MIPOL1: variants seen among roughly 807,000 people sequenced by gnomAD.
MIPOL1 encodes mirror-image polydactyly gene 1 protein.
A neutral mutation model predicts 60.9 loss-of-function variants in MIPOL1; 57 were observed. That is an observed-to-expected ratio of 0.94 (90% CI 0.76 to 1.17). The LOEUF is 1.17. MIPOL1 is among the 50% of genes most tolerant of loss of function. The probability of loss-of-function intolerance (pLI) is 0.00; values close to 1 mark genes in which losing one functional copy is unlikely to be tolerated. For synonymous variants in MIPOL1, 179 were observed against 168.8 expected, an observed-to-expected ratio of 1.06 and a Z score of -0.47; for missense variants, 551 against 511.6, an observed-to-expected ratio of 1.08 and a Z score of -0.74.
At chr14:37,490,203 C>T (rs933971761) in intron 11 of MIPOL1, among the ~76,000 whole-genome samples, 2 of 152,196 alleles carry the variant, frequency 1.3e-5, no homozygotes, top group African/African-American at 2.4e-5. Context: ...TGCTGAGCTG[C>T]AGTGGGCTCC....
chr14:37,490,667 G>A (rs1336113032), intron 11 of MIPOL1, among the ~76,000 whole-genome samples: 1 of 152,132 alleles, frequency 6.6e-6, no homozygotes, highest in Non-Finnish European at 1.5e-5. Flanking sequence ...CGGTTATTCA[G>A]GCTCAGTCCC....
chr14:37,493,993 A>T (rs556211618), intron 11 of MIPOL1, among the ~76,000 whole-genome samples: 1 of 152,220 alleles, frequency 6.6e-6, no homozygotes, highest in African/African-American at 2.4e-5. Context: ...TAAATGTAAT[A>T]TGTCTTTGTG....
intron 11 of MIPOL1, among the ~76,000 whole-genome samples, chr14:37,479,822 C>A (rs1364145403): frequency 6.6e-6 from 1 of 151,924 alleles, no homozygotes; most frequent in Non-Finnish European, 1.5e-5. Context: ...AGGGAAGACT[C>A]AAATAATTAA....
At chr14:37,452,675 A>G (rs2094436334) in intron 11 of MIPOL1, among the ~76,000 whole-genome samples, 1 of 152,262 alleles carries the variant, frequency 6.6e-6, no homozygotes, top group Admixed American at 6.5e-5. Context: ...TTGTGAAAAT[A>G]AGGAATTACT....
At chr14:37,370,718 A>G (rs943481150) in intron 10 of MIPOL1, among the ~76,000 whole-genome samples, 2 of 152,154 alleles carry the variant, frequency 1.3e-5, no homozygotes, top group Admixed American at 6.6e-5. Flanking sequence ...ACTTTGTTAT[A>G]TTTGTCTAAT....
At chr14:37,384,202 T>C (rs1413329351) in intron 10 of MIPOL1, among the ~76,000 whole-genome samples, 1 of 152,090 alleles carries the variant, frequency 6.6e-6, no homozygotes, top group East Asian at 1.9e-4. Context: ...TACTATATAA[T>C]GTCGTTCACA....
intron 1 of MIPOL1, among the ~76,000 whole-genome samples, chr14:37,241,927 G>C (rs996415441): frequency 1.3e-5 from 2 of 151,672 alleles, no homozygotes; most frequent in Non-Finnish European, 2.9e-5. Flanking sequence ...AGTTTATTTT[G>C]AACTTTTTAG....
intron 11 of MIPOL1, among the ~76,000 whole-genome samples, chr14:37,449,396 C>G (rs2094385524): frequency 6.6e-6 from 1 of 152,088 alleles, no homozygotes; most frequent in South Asian, 2.1e-4. Flanking sequence ...ACATATAAAT[C>G]TGTAAAGTAT....
intron 11 of MIPOL1, among the ~76,000 whole-genome samples, chr14:37,442,558 G>A (rs1466619487): frequency 6.6e-6 from 1 of 151,864 alleles, no homozygotes; most frequent in East Asian, 1.9e-4. Flanking sequence ...TGCCTAGTTT[G>A]TTAAGGTTTT....
At chr14:37,498,206 G>A (rs1415491558) in intron 11 of MIPOL1, among the ~76,000 whole-genome samples, 1 of 152,116 alleles carries the variant, frequency 6.6e-6, no homozygotes, top group Non-Finnish European at 1.5e-5. Context: ...GAAAAAATGG[G>A]AGGGAACACT....
At chr14:37,355,979 C>T (rs1256452458) in intron 9 of MIPOL1, among the ~76,000 whole-genome samples, 17 of 144,420 alleles carry the variant, frequency 1.2e-4, no homozygotes, top group Non-Finnish European at 1.8e-4. Flanking sequence ...GGAGGAGAGG[C>T]GCTCTGCTTT....
intron 12 of MIPOL1, among the ~76,000 whole-genome samples, chr14:37,539,263 A>G (rs895904629): frequency 6.6e-6 from 1 of 152,176 alleles, no homozygotes; most frequent in Non-Finnish European, 1.5e-5. Flanking sequence ...ACATGATTAA[A>G]TAAAATAGAG....
intron 11 of MIPOL1, among the ~76,000 whole-genome samples, chr14:37,498,229 A>G (rs1033094411): frequency 1.3e-5 from 2 of 152,166 alleles, no homozygotes; most frequent in Admixed American, 6.5e-5. Flanking sequence ...GGGGTCTTCT[A>G]GATTTCTGCA....
chr14:37,408,611 A>G (rs1015360454), intron 10 of MIPOL1, among the ~76,000 whole-genome samples: 1 of 152,220 alleles, frequency 6.6e-6, no homozygotes, highest in African/African-American at 2.4e-5. Context: ...CCTGGGTGTC[A>G]GAGGGAGACC....
chr14:37,226,115 A>G (rs951499595), intron 1 of MIPOL1, among the ~76,000 whole-genome samples: 2 of 152,178 alleles, frequency 1.3e-5, no homozygotes, highest in African/African-American at 4.8e-5. Context: ...AAGCCATTCA[A>G]CAAGTCTCTA....
At chr14:37,199,194 G>A (rs556342689) in intron 1 of MIPOL1, among the ~76,000 whole-genome samples, 49 of 152,030 alleles carry the variant, frequency 3.2e-4, no homozygotes, top group African/African-American at 1.1e-3. Flanking sequence ...TTCACAAAGT[G>A]TAAATACCCA....
At chr14:37,417,909 A>G (rs147983491) in intron 10 of MIPOL1, among the ~76,000 whole-genome samples, 4,278 of 152,278 alleles carry the variant, frequency 0.028, 78 homozygotes, top group Non-Finnish European at 0.043. Context: ...CTAACCATCT[A>G]TGAAACCTTG....
Position 37,550,513 on chromosome 14 carries a change from T to TATATATATATATATATATAC in MIPOL1, c.*3543_*3544insTATATATATATATATATACA, listed in dbSNP as rs1220895783. On this transcript the variant is annotated 3_prime_UTR_variant, in exon 13 of 13. Transcript: ENST00000684589. ...TATTTTACATATATATATATATATA[T>TATATATATATATATATATAC]ACATGCACACACACCGATACATTTA... 8.9e-5 allele frequency: 13 copies of TATATATATATATATATATAC among 146,376 alleles called. No individual in the cohort carries two copies. Among genetic ancestry groups the TATATATATATATATATATAC allele is most frequent in the African/African-American group, 3.0e-4 (12 of 39,432 alleles). 9.1% of individuals were successfully genotyped at this position (146,376 alleles called of 1,614,324 possible).
At chr14:37,501,186 A>T (rs1317050286) in intron 12 of MIPOL1, among the ~76,000 whole-genome samples, 1 of 152,230 alleles carries the variant, frequency 6.6e-6, no homozygotes, top group East Asian at 1.9e-4. Flanking sequence ...TGATTTATGT[A>T]GGTATTATAT....
Sources: allele counts gnomAD v4.1 joint callset (sites outside exome capture counted in the v4.1 genomes callset), GRCh38; gene constraint gnomAD v4.1.1; transcripts MANE v1.5; gene names NCBI Gene and HGNC (gene_info 2026-07-23, HGNC 2026-07-21).